The following ITGA10 variants were observed in gnomAD, a reference collection of about 807,000 sequenced individuals.
ITGA10 encodes integrin alpha-10.
A neutral mutation model predicts 145.2 loss-of-function variants in ITGA10; 105 were observed. The ratio of observed to expected loss-of-function variants is 0.72; its 90% CI spans 0.62 to 0.85. The LOEUF is 0.85. Ranked by LOEUF, ITGA10 falls within the 40% of genes least tolerant of loss-of-function variation. The pLI, the probability that ITGA10 is intolerant of heterozygous loss-of-function variation, is 0.00. For synonymous variants in ITGA10, 506 were observed against 557.8 expected (o/e 0.91, Z 1.31); for missense variants, 1,317 against 1,444.5 (o/e 0.91, Z 1.43).
Position 145,893,217 on chromosome 1 carries a change from C to T in ITGA10, c.3382G>A (p.Gly1128Ser). Residue 1128 changes from glycine (G) to serine (S), a missense_variant, in exon 29 of 30, where the codon GGC (glycine) becomes AGC (serine). By Grantham distance (56) the Gly-to-Ser change is moderately conservative. Transcript: ENST00000369304. ...AGGAGCAACCCTCCCAGGACACTGC[C>T]TATGAGGATCCACAGGGAGATGAGG... is the stretch of plus-strand genomic sequence containing the variant. The part of the protein sequence containing the change: ...PILISLWILI[G>S]SVLGGLLLLA... The T allele has an allele frequency of 6.2e-7, 1 of 1,614,194 alleles. No homozygotes were observed. The highest frequency in any genetic ancestry group is 8.5e-7 in the Non-Finnish European group (1 of 1,180,026).
chr1:145,904,290 C>T, intron 6 of ITGA10, 90 bp from the exon 7 acceptor site: 1 of 1,231,898 alleles, frequency 8.1e-7, no homozygotes, highest in South Asian at 1.3e-5. Context: ...GAGAGATGAA[C>T]ACCTGGATAC....
At chr1:145,905,070 C>CACACACACACACACACACACACG (rs1553750640) in intron 5 of ITGA10, among the ~76,000 whole-genome samples, 1 of 151,310 alleles carries the variant, frequency 6.6e-6, no homozygotes, top group South Asian at 2.1e-4. Context: ...ACACACACAC[C>CACACACACACACACACACACACG]TACACATTTA....
At chr1:145,898,856 T>C in intron 17 of ITGA10, 80 bp downstream of exon 17, 1 of 1,504,346 alleles carries the variant, frequency 6.6e-7, no homozygotes, top group South Asian at 1.3e-5. Context: ...TCTTGCTGAT[T>C]CAGCTAAAAT....
chr1:145,904,244 G>T (rs781982812), intron 6 of ITGA10, 44 bp from the exon 7 acceptor site: 9 of 1,590,550 alleles, frequency 5.7e-6, no homozygotes, highest in Admixed American at 5.0e-5. Context: ...TATGTGAGAT[G>T]GGGGGAGAGG....
chr1:145,894,895 T>C (rs1553744349), intron 27 of ITGA10, among the ~76,000 whole-genome samples: 1 of 152,096 alleles, frequency 6.6e-6, no homozygotes, highest in East Asian at 1.9e-4. Flanking sequence ...TTTTACGTAA[T>C]AGGAACGTGA....
intron 17 of ITGA10, 61 bp downstream of exon 17, chr1:145,898,875 T>G: frequency 1.3e-6 from 2 of 1,555,246 alleles, no homozygotes; most frequent in Non-Finnish European, 1.7e-6. Context: ...ATTCCTCCTC[T>G]GACCCAGCTT....
rs587733362 is a variant in ITGA10 at position 145,896,724 on chromosome 1, G to A, written c.2834+45C>T. On this transcript the variant is annotated intron_variant, in intron 23 of 29. Transcript: ENST00000369304. ...GGGGAGGGAAGCAGCATAAGGGTAT[G>A]AGTCTGAGGTCAGAACTGGGTCCCA... 19 of 1,449,376 alleles carry A rather than the reference G, an allele frequency of 1.3e-5. No homozygotes were observed. In the South Asian group the frequency reaches 1.4e-4, roughly 10 times the overall value. The allele number at this position is 1,449,376 out of a possible 1,614,324, so 89.8% of individuals were successfully genotyped here.
At chr1:145,902,396 C>T (rs1345980844) in intron 9 of ITGA10, 58 bp downstream of exon 9, 2 of 1,608,648 alleles carry the variant, frequency 1.2e-6, no homozygotes, top group East Asian at 2.2e-5. Flanking sequence ...CACTCCAGAG[C>T]CCCACCTACA....
At chr1:145,892,946 C>T in intron 29 of ITGA10, 83 bp from the exon 30 acceptor site, 1 of 1,103,982 alleles carries the variant, frequency 9.1e-7, no homozygotes, top group Non-Finnish European at 1.4e-6. Flanking sequence ...CTGAGGTCTT[C>T]ACTTTTGTTC....
At chr1:145,900,669 C>G in intron 14 of ITGA10, 121 bp downstream of exon 14, 4 of 1,013,358 alleles carry the variant, frequency 3.9e-6, no homozygotes, top group Non-Finnish European at 1.5e-6. Context: ...ATGTTTTTGC[C>G]TACTAATAAA....
Position 145,904,831 on chromosome 1 carries a change from T to G in ITGA10, c.482-20A>C. ...GGCAGCCTAGAAGGAAGGAGAACAC[T>G]GAGGTAGAGGACACTGAGCTGGGGG... On this transcript the variant is annotated intron_variant, in intron 5 of 29. Transcript: ENST00000369304. 6.2e-7 allele frequency: 1 copy of G among 1,612,246 alleles called. No homozygotes were observed. Among genetic ancestry groups the G allele is most frequent in the Non-Finnish European group, 8.5e-7 (1 of 1,178,602 alleles).
Position 145,900,817 on chromosome 1 carries a change from C to G in ITGA10, c.1764G>C (p.Gln588His), listed in dbSNP as rs1553747796. Residue 588 changes from glutamine (Q) to histidine (H), a missense_variant, in exon 14 of 30, where the codon CAG becomes CAC. Coordinates refer to ENST00000369304, the MANE Select transcript of ITGA10 (RefSeq NM_003637.5). Reference protein sequence around the residue: ...QGALYLYHGTQSGVRPHPAQR... With the variant: ...QGALYLYHGTHSGVRPHPAQR... ...GGGCAGGATGGGGCCTGACTCCACT[C>G]TGGGTTCCATGGTACAGGTACAGTG... The G allele has an allele frequency of 1.2e-6, 2 of 1,614,158 alleles. No individual in the cohort carries two copies. The highest frequency in any genetic ancestry group is 1.7e-5 in the Admixed American group (1 of 60,016).
At position 145,902,038 on chromosome 1, in the gene ITGA10, G is replaced by A. The variant is rs782058632; in HGVS notation, c.1150-17C>T. 11 of 1,613,702 alleles carry A rather than the reference G, an allele frequency of 6.8e-6. No homozygotes were observed. The highest frequency in any genetic ancestry group is 7.6e-6 in the Non-Finnish European group (9 of 1,179,884). ...AATCCCATCCTGTGGGACAGAAGCA[G>A]ATGGGGTCACTGAGAAGACAGTGGG... On this transcript the variant is annotated splice_polypyrimidine_tract_variant and intron_variant, in intron 10 of 29. Transcript: ENST00000369304.
chr1:145,903,006 CACACACACACACACACAT>C (rs1216185552), intron 7 of ITGA10, 45 bp from the exon 8 acceptor site: 11,515 of 814,954 alleles, frequency 0.014, 162 homozygotes, highest in Middle Eastern at 0.022. Flanking sequence ...TATGCAGACA[CACACACACACACACACAT>C]ACACACACAC....
rs1285920238 is a variant in ITGA10 at position 145,891,487 on chromosome 1, T to C, written c.*1311A>G. The C allele has an allele frequency of 6.6e-6, 1 of 152,392 alleles. No individual in the cohort carries two copies. Among genetic ancestry groups the C allele is most frequent in the Non-Finnish European group, 1.5e-5 (1 of 68,046 alleles). 9.4% of individuals were successfully genotyped at this position (152,392 alleles called of 1,614,324 possible). A position where few individuals can be genotyped will look rare whatever the true frequency, so the allele number is the denominator to read the frequency against. On this transcript the variant is annotated 3_prime_UTR_variant, in exon 30 of 30. Coordinates refer to ENST00000369304, the MANE Select transcript of ITGA10 (RefSeq NM_003637.5). The stretch of plus-strand genomic sequence containing the variant: ...TGGAGACCAATAACTGACTTCGATA[T>C]CTCAAGTCTTGATTACAAAGAAATA...
At position 145,899,322 on chromosome 1, in the gene ITGA10, G is replaced by C. The variant is rs1655898607; in HGVS notation, c.1942C>G (p.Leu648Val). Reference sequence around the variant, plus strand: ...GGGGTCACCTCCAGTGATGGGGTCAGATGGACAATGGGCCGGGAGCTGGGA... The same window carrying C: ...GGGGTCACCTCCAGTGATGGGGTCACATGGACAATGGGCCGGGAGCTGGGA... ...ILLSSRPIVHLTPSLEVTPQA... is the reference protein window; with the variant it reads ...ILLSSRPIVHVTPSLEVTPQA... The change falls in exon 16 of 30, where the codon CTG (leucine) becomes GTG (valine). Residue 648 changes from leucine (L) to valine (V), a missense_variant. Coordinates refer to ENST00000369304, the MANE Select transcript of ITGA10 (RefSeq NM_003637.5). The C allele has an allele frequency of 6.2e-7, 1 of 1,614,170 alleles. No homozygotes were observed. Among genetic ancestry groups the C allele is most frequent in the Non-Finnish European group, 8.5e-7 (1 of 1,180,030 alleles).
In ITGA10 at chr1:145,905,270, T is replaced by C. The variant is rs74227620; in HGVS notation, c.482-459A>G. Among the ~76,000 whole-genome samples, 660 of 150,788 alleles carry C rather than the reference T, an allele frequency of 4.4e-3. 6 individuals are homozygous for C. The highest frequency in any genetic ancestry group is 0.028 in the South Asian group (133 of 4,808). ...GGAGAAGAGAATATTAGGAAAGGCA[T>C]GTGGGTAGAGAACATTTTTTTTTTT... On this transcript the variant is annotated intron_variant, in intron 5 of 29. Transcript: ENST00000369304.
At chr1:145,908,394 C>T (rs1657443967) in intron 1 of ITGA10, among the ~76,000 whole-genome samples, 1 of 152,164 alleles carries the variant, frequency 6.6e-6, no homozygotes, top group African/African-American at 2.4e-5. Context: ...TCCATCCTTT[C>T]CAAGGGTCCC....
rs1553750640 is a variant in ITGA10 at position 145,905,070 on chromosome 1, C to CACACACACACACACACG, written c.482-260_482-259insCGTGTGTGTGTGTGTGT. Among the ~76,000 whole-genome samples, 286 of 151,418 alleles carry CACACACACACACACACG rather than the reference C, an allele frequency of 1.9e-3. 4 individuals are homozygous for CACACACACACACACACG. The highest frequency in any genetic ancestry group is 0.014 in the Middle Eastern group (4 of 292). On this transcript the variant is annotated intron_variant, in intron 5 of 29. Coordinates refer to ENST00000369304, the MANE Select transcript of ITGA10 (RefSeq NM_003637.5). Reference sequence around the variant, plus strand: ...TATATAGGTATATAAACACACACACCTACACATTTATATACATAGATATAA... The same window carrying CACACACACACACACACG: ...TATATAGGTATATAAACACACACACCACACACACACACACACGTACACATTTATATACATAGATATAA...
Sources: allele counts gnomAD v4.1 joint callset (sites outside exome capture counted in the v4.1 genomes callset), GRCh38; gene constraint gnomAD v4.1.1; transcripts MANE v1.5; gene names NCBI Gene and HGNC (gene_info 2026-07-23, HGNC 2026-07-21).